RAB22A: variants seen among roughly 807,000 people sequenced by gnomAD.
The protein encoded by RAB22A is ras-related protein Rab-22A.
RAB22A carries 13 observed loss-of-function variants against 30.2 expected under a neutral mutation model. That is an observed-to-expected ratio of 0.43 (90% confidence interval 0.28 to 0.68). RAB22A has a LOEUF of 0.68. Among genes scored for constraint, RAB22A ranks in the 30% least tolerant of loss-of-function variants. RAB22A has a pLI of 0.18. For missense variants in RAB22A, 177 were observed against 246.8 expected, an observed-to-expected ratio of 0.72 and a Z score of 1.89; for synonymous variants, 89 against 87.2, an observed-to-expected ratio of 1.02 and a Z score of -0.11.
intron 2 of RAB22A, among the ~76,000 whole-genome samples, chr20:58,313,568 G>A (rs757381407): frequency 2.0e-5 from 3 of 152,088 alleles, no homozygotes; most frequent in African/African-American, 4.8e-5. Context: ...TACCACTTCC[G>A]CAACTGCTGC....
At chr20:58,334,870 A>G (rs6070428) in intron 2 of RAB22A, among the ~76,000 whole-genome samples, 19,225 of 152,198 alleles carry the variant, frequency 0.13, 1,530 homozygotes, top group Non-Finnish European at 0.18. Flanking sequence ...TGGCAAGAAT[A>G]TGGAATAACT....
At chr20:58,354,891 A>G (rs6070433) in intron 6 of RAB22A, among the ~76,000 whole-genome samples, 5,710 of 152,334 alleles carry the variant, frequency 0.037, 166 homozygotes, top group Middle Eastern at 0.065. Flanking sequence ...CGCACATTCT[A>G]CAGAGGGAAA....
chr20:58,311,233 G>A (rs1348238865), intron 2 of RAB22A, 111 bp downstream of exon 2: 25 of 1,015,652 alleles, frequency 2.5e-5, no homozygotes, highest in Non-Finnish European at 1.7e-5. Context: ...ATTCTGAGTC[G>A]CTGGTTCGCA....
At chr20:58,322,010 C>G (rs1362689318) in intron 2 of RAB22A, among the ~76,000 whole-genome samples, 2 of 152,200 alleles carry the variant, frequency 1.3e-5, no homozygotes, top group Admixed American at 6.5e-5. Flanking sequence ...GCTGCCCAGG[C>G]TGGTCTCAAA....
In RAB22A at chr20:58,315,431, C is replaced by T. The variant is rs574362913; in HGVS notation, c.116+4309C>T. On this transcript the variant is annotated intron_variant, in intron 2 of 6. Coordinates refer to ENST00000244040, the MANE Select transcript of RAB22A (RefSeq NM_020673.3). ...GTATCTGTGTTCTTCCCTAAGGGCT[C>T]GCCTGTGTCGTATCATGGGGAAGAG... 5.3e-5 allele frequency among the ~76,000 whole-genome samples: 8 copies of T among 152,254 alleles called. No homozygotes were observed. In the South Asian group the frequency reaches 1.5e-3, roughly 28 times the overall value.
chr20:58,326,655 G>A (rs1268906669), intron 2 of RAB22A, among the ~76,000 whole-genome samples: 1 of 152,074 alleles, frequency 6.6e-6, no homozygotes, highest in East Asian at 1.9e-4. Flanking sequence ...TGTGGACATA[G>A]GTTTTCATTT....
Position 58,359,593 on chromosome 20 carries a change from C to T in RAB22A, c.488-13C>T. 1 of 1,575,690 alleles carries T rather than the reference C, an allele frequency of 6.3e-7. No individual in the cohort carries two copies. Among genetic ancestry groups the T allele is most frequent in the Non-Finnish European group, 8.7e-7 (1 of 1,149,564 alleles). ...TAAAGCTCACTCCCTTCCCTTTTCT[C>T]ATCTTGGTTTAGGTCGAAGAATTCC... On this transcript the variant is annotated splice_polypyrimidine_tract_variant and intron_variant, in intron 6 of 6. Transcript: ENST00000244040.
intron 2 of RAB22A, among the ~76,000 whole-genome samples, chr20:58,342,600 T>C (rs1986873780): frequency 6.6e-6 from 1 of 151,218 alleles, no homozygotes; most frequent in South Asian, 2.1e-4. Flanking sequence ...ATGTCCTGAT[T>C]GGAGTGATTT....
chr20:58,318,088 G>A lies in RAB22A; in HGVS notation c.116+6966G>A, dbSNP rs115414590. Among the ~76,000 whole-genome samples, 1,437 of 149,708 alleles carry A rather than the reference G, an allele frequency of 9.6e-3. 24 individuals carry two copies. Among genetic ancestry groups the A allele is most frequent in the Middle Eastern group, 0.035 (9 of 260 alleles). On this transcript the variant is annotated intron_variant, in intron 2 of 6. Coordinates refer to ENST00000244040, the MANE Select transcript of RAB22A (RefSeq NM_020673.3). ...TCACTGCATTGCCCAGGCTGGTCTC[G>A]AACTCTTCACCTCAAGTGATCCTCC...
In RAB22A at chr20:58,341,943, A is replaced by G. The variant is rs561754935; in HGVS notation, c.117-1775A>G. On this transcript the variant is annotated intron_variant, in intron 2 of 6. Coordinates refer to ENST00000244040, the MANE Select transcript of RAB22A (RefSeq NM_020673.3). ...CACTCATAAATGTAACACCACAACCATAATTGATGGAGAGTTGAGTTGCAA... is the reference window on the plus strand; with the variant it reads ...CACTCATAAATGTAACACCACAACCGTAATTGATGGAGAGTTGAGTTGCAA... Among the ~76,000 whole-genome samples the G allele has an allele frequency of 2.4e-4, 36 of 152,340 alleles. No homozygotes were observed. The South Asian group carries it at 7.0e-3, about 30-fold the overall frequency.
intron 6 of RAB22A, among the ~76,000 whole-genome samples, chr20:58,358,979 A>C (rs745994993): frequency 2.4e-4 from 36 of 151,784 alleles, no homozygotes; most frequent in Admixed American, 2.0e-4. Flanking sequence ...GAAAGTATCA[A>C]GGTGGAGAAT....
chr20:58,349,561 G>A (rs897249428), intron 3 of RAB22A, among the ~76,000 whole-genome samples: 1 of 152,192 alleles, frequency 6.6e-6, no homozygotes, highest in African/African-American at 2.4e-5. Context: ...AGACAGCAGA[G>A]ATTTCAGCTG....
At position 58,364,988 on chromosome 20, in the gene RAB22A, G is replaced by C. The variant is rs1296491176; in HGVS notation, c.*5285G>C. On this transcript the variant is annotated 3_prime_UTR_variant, in exon 7 of 7. Coordinates refer to ENST00000244040, the MANE Select transcript of RAB22A (RefSeq NM_020673.3). Reference sequence around the variant, plus strand: ...GACCTCAGGTGATCTGCTTGCCTCGGCTTCGCAACATTCTGGGATTACAGA... The same window carrying C: ...GACCTCAGGTGATCTGCTTGCCTCGCCTTCGCAACATTCTGGGATTACAGA... 1 of 152,086 alleles carries C rather than the reference G, an allele frequency of 6.6e-6. No homozygotes were observed. The highest frequency in any genetic ancestry group is 1.5e-5 in the Non-Finnish European group (1 of 68,012). 9.4% of individuals were successfully genotyped at this position (152,086 alleles called of 1,614,324 possible).
At chr20:58,347,506 A>G (rs1986971798) in intron 3 of RAB22A, among the ~76,000 whole-genome samples, 3 of 152,222 alleles carry the variant, frequency 2.0e-5, no homozygotes, top group African/African-American at 7.2e-5. Flanking sequence ...CATTTTTATG[A>G]TAAGACTATG....
intron 2 of RAB22A, among the ~76,000 whole-genome samples, chr20:58,319,884 ATATTCT>A: frequency 6.6e-6 from 1 of 152,262 alleles, no homozygotes. Flanking sequence ...TGAGCTGTTC[ATATTCT>A]TTTTCTTTCT....
At position 58,357,542 on chromosome 20, in the gene RAB22A, C is replaced by A. The variant is rs1296060559; in HGVS notation, c.488-2064C>A. Among the ~76,000 whole-genome samples, 5 of 152,096 alleles carry A rather than the reference C, an allele frequency of 3.3e-5. No homozygotes were observed. The East Asian group carries it at 7.7e-4, about 23-fold the overall frequency. On this transcript the variant is annotated intron_variant, in intron 6 of 6. Transcript: ENST00000244040. Reference sequence around the variant, plus strand: ...GCTGTTTTAGAAATCATTACCTGTTCCCAGCTCATGAAAATATTCTCCTCT... The same window carrying A: ...GCTGTTTTAGAAATCATTACCTGTTACCAGCTCATGAAAATATTCTCCTCT...
intron 2 of RAB22A, 58 bp downstream of exon 2, chr20:58,311,180 A>G (rs900559229): frequency 8.3e-6 from 12 of 1,442,428 alleles, no homozygotes; most frequent in South Asian, 2.3e-5. Flanking sequence ...TTCCAAATAC[A>G]TAGTGTGTTA....
At chr20:58,318,931 G>A (rs1986398401) in intron 2 of RAB22A, among the ~76,000 whole-genome samples, 1 of 152,188 alleles carries the variant, frequency 6.6e-6, no homozygotes, top group Non-Finnish European at 1.5e-5. Flanking sequence ...AATCTGTAGG[G>A]TTGTTGTGAA....
intron 3 of RAB22A, chr20:58,345,313 TAACAC>T (rs1446620300): frequency 6.6e-6 from 1 of 151,924 alleles, no homozygotes; most frequent in African/African-American, 2.4e-5. Context: ...AAAAAAAAAA[TAACAC>T]AAAGGTGTTT....
Sources: gnomAD v4.1 joint callset for allele counts (sites outside exome capture counted in the v4.1 genomes callset) on GRCh38, gnomAD v4.1.1 for gene constraint, MANE v1.5 for transcripts, NCBI Gene and HGNC (gene_info 2026-07-23, HGNC 2026-07-21) for gene names.